Variants in GRM5 observed in about 807,000 individuals in gnomAD.
The protein encoded by GRM5 is metabotropic glutamate receptor 5.
Under a neutral mutation model 83.1 loss-of-function variants are expected in GRM5, and 19 were observed. That is an observed-to-expected ratio of 0.23 (90% confidence interval 0.16 to 0.34). The LOEUF (loss-of-function observed/expected upper bound fraction) is 0.34. GRM5 is among the 10% of genes least tolerant of loss of function. GRM5 has a pLI of 1.00. For missense variants in GRM5, 1,160 were observed against 1,588.3 expected, an observed-to-expected ratio of 0.73 and a Z score of 4.58; for synonymous variants, 675 against 633.6, an observed-to-expected ratio of 1.07 and a Z score of -0.98.
chr11:89,001,525 T>C (rs1940379619), intron 2 of GRM5, among the ~76,000 whole-genome samples: 1 of 152,116 alleles, frequency 6.6e-6, no homozygotes, highest in Non-Finnish European at 1.5e-5. Context: ...GAGAACAGGT[T>C]AGTGGTTGTC....
intron 4 of GRM5, among the ~76,000 whole-genome samples, chr11:88,616,409 T>G (rs1938487336): frequency 6.8e-6 from 1 of 147,912 alleles, no homozygotes; most frequent in Non-Finnish European, 1.5e-5. Flanking sequence ...TTTTTTTTTT[T>G]TTTTTACCAG....
chr11:88,942,840 T>C (rs190794965), intron 2 of GRM5, among the ~76,000 whole-genome samples: 1,804 of 152,172 alleles, frequency 0.012, 47 homozygotes, highest in Admixed American at 0.068. Flanking sequence ...TCAACAAATA[T>C]GTTTTAACAT....
chr11:88,674,672 C>T (rs1202994893), intron 3 of GRM5, among the ~76,000 whole-genome samples: 2 of 151,850 alleles, frequency 1.3e-5, no homozygotes, highest in South Asian at 2.1e-4. Flanking sequence ...CTTCCAGAGA[C>T]AAAGTCATGA....
chr11:88,933,185 GCAT>G (rs2135651169), intron 2 of GRM5, among the ~76,000 whole-genome samples: 1 of 97,628 alleles, frequency 1.0e-5, no homozygotes, highest in Admixed American at 1.6e-4. Flanking sequence ...AATATTTGGG[GCAT>G]TTTTTTTTTT....
chr11:88,721,211 A>G (rs546613703), intron 3 of GRM5, among the ~76,000 whole-genome samples: 100 of 152,256 alleles, frequency 6.6e-4, no homozygotes, highest in African/African-American at 2.3e-3. Context: ...ATCGTTGGCT[A>G]TAACAGTGAA....
At chr11:88,828,994 G>T (rs1943939386) in intron 3 of GRM5, among the ~76,000 whole-genome samples, 1 of 151,440 alleles carries the variant, frequency 6.6e-6, no homozygotes, top group Non-Finnish European at 1.5e-5. Context: ...TAAAATTTCA[G>T]CCCTCTAAAT....
chr11:88,946,004 T>C (rs1654210382), intron 2 of GRM5, among the ~76,000 whole-genome samples: 1 of 152,052 alleles, frequency 6.6e-6, no homozygotes. Context: ...AAAAGTCTAG[T>C]ATCCAGAAGC....
intron 2 of GRM5, among the ~76,000 whole-genome samples, chr11:88,933,494 T>A (rs978449298): frequency 1.3e-5 from 2 of 151,828 alleles, no homozygotes; most frequent in African/African-American, 4.8e-5. Flanking sequence ...TCAAAATCTA[T>A]GAATGTGCTA....
intron 2 of GRM5, among the ~76,000 whole-genome samples, chr11:89,046,026 T>A (rs908754062): frequency 6.6e-6 from 1 of 152,180 alleles, no homozygotes; most frequent in Non-Finnish European, 1.5e-5. Context: ...ATTTGTAACA[T>A]TGTGTCATTT....
chr11:88,721,645 T>C (rs915061315), intron 3 of GRM5, among the ~76,000 whole-genome samples: 1 of 152,120 alleles, frequency 6.6e-6, no homozygotes, highest in African/African-American at 2.4e-5. Context: ...ATAACTTGAT[T>C]TTGTGCCATT....
intron 3 of GRM5, among the ~76,000 whole-genome samples, chr11:88,662,947 T>G: frequency 6.6e-6 from 1 of 152,220 alleles, no homozygotes; most frequent in East Asian, 1.9e-4. Context: ...TGTCTGACCC[T>G]GAGCAGAGAA....
intron 2 of GRM5, among the ~76,000 whole-genome samples, chr11:89,017,787 A>G (rs1268053600): frequency 6.6e-6 from 1 of 152,214 alleles, no homozygotes; most frequent in Admixed American, 6.5e-5. Flanking sequence ...CTATTCCAGA[A>G]GGAAAATAAG....
chr11:88,702,832 C>T (rs1941066136), intron 3 of GRM5, among the ~76,000 whole-genome samples: 1 of 152,056 alleles, frequency 6.6e-6, no homozygotes, highest in Non-Finnish European at 1.5e-5. Flanking sequence ...GGGACAGCCA[C>T]ATGAGTAGGC....
intron 3 of GRM5, among the ~76,000 whole-genome samples, chr11:88,731,197 G>A (rs988691260): frequency 6.6e-6 from 1 of 151,966 alleles, no homozygotes. Context: ...AGGTTTTCAT[G>A]ACTTCATTCC....
chr11:88,622,700 G>T (rs6483300), intron 4 of GRM5, among the ~76,000 whole-genome samples: 2 of 151,998 alleles, frequency 1.3e-5, no homozygotes, highest in African/African-American at 4.8e-5. Context: ...GTATTGAGCA[G>T]CAACTGTGTG....
intron 2 of GRM5, among the ~76,000 whole-genome samples, chr11:88,986,697 G>A (rs1224706541): frequency 9.1e-6 from 1 of 109,546 alleles, no homozygotes; most frequent in East Asian, 2.8e-4. Context: ...AGAAATTTTG[G>A]TTTAATATAG....
intron 6 of GRM5, among the ~76,000 whole-genome samples, chr11:88,593,072 G>A (rs1447857380): frequency 1.3e-5 from 2 of 152,074 alleles, no homozygotes; most frequent in East Asian, 1.9e-4. Flanking sequence ...CTCCCACCTC[G>A]GCCTCCCAAA....
intron 3 of GRM5, among the ~76,000 whole-genome samples, chr11:88,667,721 G>A (rs576774653): frequency 1.7e-4 from 26 of 151,980 alleles, no homozygotes; most frequent in East Asian, 7.8e-4. Context: ...GTGAAACACC[G>A]TCTCTACTTA....
intron 3 of GRM5, among the ~76,000 whole-genome samples, chr11:88,849,497 T>C (rs1022861587): frequency 2.6e-5 from 4 of 152,132 alleles, no homozygotes; most frequent in Non-Finnish European, 5.9e-5. Context: ...CTGAAAGCAA[T>C]CCCTCATTTT....
Sources: gnomAD v4.1 joint callset for allele counts (sites outside exome capture counted in the v4.1 genomes callset) on GRCh38, gnomAD v4.1.1 for gene constraint, MANE v1.5 for transcripts, NCBI Gene and HGNC (gene_info 2026-07-23, HGNC 2026-07-21) for gene names.